Variants in RFX3 observed in about 807,000 individuals in gnomAD.
RFX3 encodes regulatory factor X3.
Under a neutral mutation model 98.6 loss-of-function variants are expected in RFX3, and 14 were observed. That is an observed-to-expected ratio of 0.14 (90% CI 0.09 to 0.22). The LOEUF is 0.22. RFX3 is among the 10% of genes least tolerant of loss of function. The pLI, the probability that RFX3 is intolerant of heterozygous loss-of-function variation, is 1.00. For missense variants in RFX3, 639 were observed against 926.9 expected (o/e 0.69, Z 4.03); for synonymous variants, 383 against 328.4 (o/e 1.17, Z -1.80).
chr9:3,380,368 T>C (rs539062815), intron 2 of RFX3, among the ~76,000 whole-genome samples: 2 of 152,312 alleles, frequency 1.3e-5, no homozygotes, highest in South Asian at 2.1e-4. Flanking sequence ...ATCCCCTATG[T>C]ATACCTCAGA....
At chr9:3,491,062 T>G (rs999254360) in intron 1 of RFX3, among the ~76,000 whole-genome samples, 16 of 152,146 alleles carry the variant, frequency 1.1e-4, no homozygotes, top group Admixed American at 2.0e-4. Context: ...ATGATTTGGC[T>G]TTACCTTTTT....
intron 13 of RFX3, among the ~76,000 whole-genome samples, chr9:3,260,947 A>C (rs1013602201): frequency 5.3e-5 from 8 of 151,220 alleles, no homozygotes; most frequent in African/African-American, 1.9e-4. Context: ...GTTTGAACCC[A>C]GTCCATGAAA....
intron 1 of RFX3, among the ~76,000 whole-genome samples, chr9:3,464,306 T>C (rs1564134325): frequency 1.3e-5 from 2 of 152,178 alleles, no homozygotes; most frequent in East Asian, 3.8e-4. Flanking sequence ...TAAAAACATA[T>C]GTCCATAAAA....
intron 3 of RFX3, among the ~76,000 whole-genome samples, chr9:3,338,278 C>A (rs117737845): frequency 1.3e-5 from 2 of 152,188 alleles, no homozygotes; most frequent in African/African-American, 4.8e-5. Flanking sequence ...ACTTCATCTG[C>A]TATAACAAAA....
intron 13 of RFX3, among the ~76,000 whole-genome samples, chr9:3,258,984 G>C (rs1385334873): frequency 6.6e-6 from 1 of 151,796 alleles, no homozygotes; most frequent in African/African-American, 2.4e-5. Flanking sequence ...GTTTCACTTA[G>C]AAATATTTAA....
At chr9:3,503,458 T>G (rs1022788650) in intron 1 of RFX3, among the ~76,000 whole-genome samples, 3 of 152,100 alleles carry the variant, frequency 2.0e-5, no homozygotes, top group African/African-American at 7.2e-5. Flanking sequence ...TAGAATAGCC[T>G]CGAATACTGT....
intron 9 of RFX3, among the ~76,000 whole-genome samples, chr9:3,272,138 A>G (rs1023915146): frequency 6.6e-6 from 1 of 152,178 alleles, no homozygotes; most frequent in Admixed American, 6.6e-5. Context: ...AGGTAAAAGC[A>G]GGCATAAAAC....
chr9:3,259,091 C>A (rs1219318060), intron 13 of RFX3, among the ~76,000 whole-genome samples: 4 of 151,930 alleles, frequency 2.6e-5, no homozygotes, highest in African/African-American at 9.7e-5. Flanking sequence ...CATAACCAAT[C>A]CCACATAGTT....
At chr9:3,257,318 T>C (rs1383128031) in intron 13 of RFX3, 119 bp from the exon 14 acceptor site, 1 of 774,430 alleles carries the variant, frequency 1.3e-6, no homozygotes, top group East Asian at 2.7e-5. Context: ...CACAGTTAAA[T>C]GAATCCAGAA....
intron 2 of RFX3, among the ~76,000 whole-genome samples, chr9:3,388,065 A>G (rs1365953294): frequency 3.3e-5 from 5 of 152,164 alleles, no homozygotes; most frequent in African/African-American, 1.2e-4. Flanking sequence ...GATTGCTTTA[A>G]TGACAATAAA....
chr9:3,488,867 C>T (rs1282165361), intron 1 of RFX3: 5 of 984,618 alleles, frequency 5.1e-6, no homozygotes, highest in Non-Finnish European at 6.0e-6. Context: ...TTTATCTTCC[C>T]AAAGAAACTA....
chr9:3,416,305 A>C (rs1587592088), intron 1 of RFX3, among the ~76,000 whole-genome samples: 1 of 152,198 alleles, frequency 6.6e-6, no homozygotes, highest in African/African-American at 2.4e-5. Flanking sequence ...TACTGGTTAA[A>C]TAACTTGTCC....
chr9:3,441,863 G>T (rs1845637137), intron 1 of RFX3, among the ~76,000 whole-genome samples: 1 of 152,026 alleles, frequency 6.6e-6, no homozygotes, highest in South Asian at 2.1e-4. Context: ...GCTATAATTA[G>T]TGACTTGCTT....
At chr9:3,400,457 C>G (rs571574062) in intron 1 of RFX3, among the ~76,000 whole-genome samples, 55 of 152,326 alleles carry the variant, frequency 3.6e-4, no homozygotes, top group African/African-American at 1.3e-3. Context: ...CATCAAGTAT[C>G]AACCAAGTCC....
At chr9:3,307,111 C>A (rs1829417894) in intron 4 of RFX3, among the ~76,000 whole-genome samples, 1 of 152,144 alleles carries the variant, frequency 6.6e-6, no homozygotes, top group Admixed American at 6.6e-5. Flanking sequence ...ATGTGACTTG[C>A]TCCTTCTTGC....
chr9:3,463,632 A>C (rs1847917589), intron 1 of RFX3, among the ~76,000 whole-genome samples: 1 of 152,156 alleles, frequency 6.6e-6, no homozygotes, highest in African/African-American at 2.4e-5. Context: ...GAATATGTAA[A>C]TATATATACA....
Position 3,270,870 on chromosome 9 carries a change from G to C in RFX3, c.1202+133C>G, listed in dbSNP as rs990187039. On this transcript the variant is annotated intron_variant, in intron 10 of 16. Transcript: ENST00000617270. The stretch of plus-strand genomic sequence containing the variant: ...GAGAGCAGTTCATGGTTTATTTCTA[G>C]GATGGCCAAAACATCAATCTATTCA... 2.9e-5 allele frequency: 37 copies of C among 1,294,892 alleles called. 1 individual carries two copies. In the African/African-American group the frequency reaches 4.3e-4, roughly 15 times the overall value. The allele number at this position is 1,294,892 out of a possible 1,614,324, so 80.2% of individuals were successfully genotyped here. A position where few individuals can be genotyped will look rare whatever the true frequency, so the allele number is the denominator to read the frequency against.
chr9:3,354,737 G>C (rs1036082170), intron 2 of RFX3, among the ~76,000 whole-genome samples: 3 of 151,742 alleles, frequency 2.0e-5, no homozygotes, highest in African/African-American at 7.2e-5. Context: ...AAGAATACTA[G>C]ATGGAAACTG....
In RFX3 at chr9:3,504,457, T is replaced by C. The variant is rs1054163469; in HGVS notation, c.-9+21290A>G. On this transcript the variant is annotated intron_variant, in intron 1 of 16. Transcript: ENST00000617270. ...TATTGTATATAAAATATATATTATA[T>C]GCCATATGGTATATATTGTATATAA... Among the ~76,000 whole-genome samples the C allele has an allele frequency of 2.8e-4, 36 of 129,152 alleles. 1 individual carries two copies. The South Asian group carries it at 6.1e-3, about 22-fold the overall frequency. 84.7% of individuals were successfully genotyped at this position (129,152 alleles called of 152,430 possible).
Sources: allele counts gnomAD v4.1 joint callset (sites outside exome capture counted in the v4.1 genomes callset), GRCh38; gene constraint gnomAD v4.1.1; transcripts MANE v1.5; gene names NCBI Gene and HGNC (gene_info 2026-07-23, HGNC 2026-07-21).